The following GRIN2B variants were observed in gnomAD, a reference collection of about 807,000 sequenced individuals.
GRIN2B encodes glutamate ionotropic receptor NMDA type subunit 2B, also known as glutamate receptor ionotropic, NMDA 2B.
Under a neutral mutation model 114.5 loss-of-function variants are expected in GRIN2B, and 5 were observed. The ratio of observed to expected loss-of-function variants is 0.04; its 90% CI spans 0.02 to 0.09. The LOEUF (loss-of-function observed/expected upper bound fraction) is 0.09. GRIN2B is among the 10% of genes least tolerant of loss of function. The pLI is 1.00. For missense variants in GRIN2B, 1,108 were observed against 1,943.5 expected, an observed-to-expected ratio of 0.57 and a Z score of 8.08; for synonymous variants, 787 against 745.1, an observed-to-expected ratio of 1.06 and a Z score of -0.92.
intron 4 of GRIN2B, among the ~76,000 whole-genome samples, chr12:13,711,066 T>C (rs1201221865): frequency 6.6e-6 from 1 of 151,992 alleles, no homozygotes; most frequent in Non-Finnish European, 1.5e-5. Context: ...CCCTCAGAAA[T>C]AGGGCTACAT....
At chr12:13,841,326 T>C (rs1047125266) in intron 3 of GRIN2B, among the ~76,000 whole-genome samples, 1 of 152,208 alleles carries the variant, frequency 6.6e-6, no homozygotes. Context: ...ACACTTTTGA[T>C]ATAAACTTCC....
At chr12:13,935,861 C>G (rs148945691) in intron 2 of GRIN2B, among the ~76,000 whole-genome samples, 1 of 152,246 alleles carries the variant, frequency 6.6e-6, no homozygotes, top group East Asian at 1.9e-4. Flanking sequence ...TATTTCCAGG[C>G]AGTGGACAAT....
At chr12:13,584,453 C>T (rs186874827) in intron 10 of GRIN2B, among the ~76,000 whole-genome samples, 26 of 152,272 alleles carry the variant, frequency 1.7e-4, no homozygotes, top group African/African-American at 5.3e-4. Context: ...TGAATTGAAT[C>T]GCACATGTGG....
rs764845072 is a variant in GRIN2B at position 13,563,781 on chromosome 12, C to T, written c.3457G>A (p.Asp1153Asn). 12 of 1,613,972 alleles carry T rather than the reference C, an allele frequency of 7.4e-6. No homozygotes were observed. The highest frequency in any genetic ancestry group is 1.7e-5 in the Admixed American group (1 of 60,010). The change falls in exon 14 of 14, where the codon GAC becomes AAC. Residue 1153 changes from aspartate (D) to asparagine (N), a missense_variant. By Grantham distance (23) the Asp-to-Asn change is conservative (BLOSUM62 1). Transcript: ENST00000609686. Reference sequence around the variant, plus strand: ...TCATCACTCCGCTCCTTGTAGATGTCGGTCAGGTCTACGTGCTCCCAGTGG... The same window carrying T: ...TCATCACTCCGCTCCTTGTAGATGTTGGTCAGGTCTACGTGCTCCCAGTGG... ...SPHWEHVDLT[D>N]IYKERSDDFK... is the part of the protein sequence containing the mutation.
intron 2 of GRIN2B, among the ~76,000 whole-genome samples, chr12:13,935,377 G>A (rs898947789): frequency 7.2e-5 from 11 of 152,164 alleles, no homozygotes; most frequent in Non-Finnish European, 1.5e-5. Context: ...ATAATCATAT[G>A]TGCATTTATG....
intron 3 of GRIN2B, among the ~76,000 whole-genome samples, chr12:13,792,593 T>C (rs867178184): frequency 2.0e-5 from 3 of 152,222 alleles, no homozygotes; most frequent in Admixed American, 1.3e-4. Context: ...TTTAACTTCA[T>C]GAAGGCTTCA....
At chr12:13,969,827 G>A (rs894116611) in intron 2 of GRIN2B, among the ~76,000 whole-genome samples, 1 of 152,174 alleles carries the variant, frequency 6.6e-6, no homozygotes, top group African/African-American at 2.4e-5. Flanking sequence ...AAGCAGCTTT[G>A]TAAATGGGTA....
At chr12:13,888,904 C>CTACT (rs1450663682) in intron 2 of GRIN2B, among the ~76,000 whole-genome samples, 1 of 151,946 alleles carries the variant, frequency 6.6e-6, no homozygotes, top group Non-Finnish European at 1.5e-5. Flanking sequence ...TTACTGTACA[C>CTACT]TACTATAGAC....
chr12:13,768,395 A>G (rs754833167), intron 3 of GRIN2B, among the ~76,000 whole-genome samples: 3 of 152,196 alleles, frequency 2.0e-5, no homozygotes, highest in Non-Finnish European at 2.9e-5. Context: ...TCTTTCACCT[A>G]TAACATGAAA....
At chr12:13,961,037 T>C (rs1687990577) in intron 2 of GRIN2B, among the ~76,000 whole-genome samples, 1 of 151,572 alleles carries the variant, frequency 6.6e-6, no homozygotes, top group Admixed American at 6.6e-5. Flanking sequence ...AGGCTGGTCA[T>C]GCCGTCATTC....
chr12:13,718,304 A>C (rs1456736931), intron 4 of GRIN2B, among the ~76,000 whole-genome samples: 1 of 152,060 alleles, frequency 6.6e-6, no homozygotes, highest in African/African-American at 2.4e-5. Flanking sequence ...TCCCTCCTTC[A>C]AGGTGAGGAG....
At chr12:13,625,962 G>C (rs1949561047) in intron 5 of GRIN2B, among the ~76,000 whole-genome samples, 1 of 152,134 alleles carries the variant, frequency 6.6e-6, no homozygotes, top group Non-Finnish European at 1.5e-5. Flanking sequence ...GGCTCAAATA[G>C]GTGGAAAGAT....
chr12:13,703,265 C>T (rs1350265795), intron 4 of GRIN2B, among the ~76,000 whole-genome samples: 3 of 152,166 alleles, frequency 2.0e-5, no homozygotes, highest in African/African-American at 7.2e-5. Flanking sequence ...CTTTAAACCC[C>T]TCCCTTATTT....
In GRIN2B at chr12:13,625,854, G is replaced by T. The variant is rs991926; in HGVS notation, c.1126-9197C>A. ...CCAAAGAGTCCCATTGAGCGAGGTG[G>T]TGCCTCGTCATAAACCCCTCCCTGG... On this transcript the variant is annotated intron_variant, in intron 5 of 13. Transcript: ENST00000609686. 4.7e-3 allele frequency among the ~76,000 whole-genome samples: 719 copies of T among 152,298 alleles called. 2 individuals carry two copies. Among genetic ancestry groups the T allele is most frequent in the Non-Finnish European group, 8.3e-3 (568 of 68,036 alleles).
At chr12:13,725,722 A>G (rs1394649550) in intron 4 of GRIN2B, among the ~76,000 whole-genome samples, 1 of 152,192 alleles carries the variant, frequency 6.6e-6, no homozygotes, top group Non-Finnish European at 1.5e-5. Flanking sequence ...CCTCTGCTTA[A>G]CAAGAAATGG....
chr12:13,732,861 A>G (rs1863108410), intron 4 of GRIN2B, among the ~76,000 whole-genome samples: 2 of 152,256 alleles, frequency 1.3e-5, no homozygotes, highest in South Asian at 4.1e-4. Context: ...TTTCACAATT[A>G]GCTTAAGTTA....
intron 2 of GRIN2B, among the ~76,000 whole-genome samples, chr12:13,913,629 T>A (rs558746734): frequency 6.6e-6 from 1 of 152,326 alleles, no homozygotes; most frequent in South Asian, 2.1e-4. Context: ...TTCATTGAGA[T>A]GTTGCTGAAT....
intron 5 of GRIN2B, among the ~76,000 whole-genome samples, chr12:13,638,724 C>G (rs1414900464): frequency 6.6e-6 from 1 of 152,110 alleles, no homozygotes; most frequent in Non-Finnish European, 1.5e-5. Flanking sequence ...CACTAAAAAA[C>G]TGCTTGGAAA....
Position 13,866,240 on chromosome 12 carries a change from G to C in GRIN2B, c.-18-14C>G. The C allele has an allele frequency of 6.3e-7, 1 of 1,598,964 alleles. No individual in the cohort carries two copies. The highest frequency in any genetic ancestry group is 8.5e-7 in the Non-Finnish European group (1 of 1,177,966). ...CTCGTCGACTCCCTGCAAACACAAA[G>C]AAAGAGCATGTTAAAATAGGATCTA... On this transcript the variant is annotated splice_polypyrimidine_tract_variant and intron_variant, in intron 2 of 13. Transcript: ENST00000609686.
Sources: allele counts gnomAD v4.1 joint callset (sites outside exome capture counted in the v4.1 genomes callset), GRCh38; gene constraint gnomAD v4.1.1; transcripts MANE v1.5; gene names NCBI Gene and HGNC (gene_info 2026-07-23, HGNC 2026-07-21).